KATNIP: variants seen among roughly 807,000 people sequenced by gnomAD.
KATNIP encodes katanin interacting protein.
Under a neutral mutation model 174.0 loss-of-function variants are expected in KATNIP, and 126 were observed. The ratio of observed to expected loss-of-function variants is 0.72; its 90% CI spans 0.63 to 0.84. The LOEUF is 0.84. KATNIP is among the 40% of genes least tolerant of loss of function. KATNIP has a pLI of 0.00. For missense variants in KATNIP, 1,958 were observed against 2,109.7 expected, an observed-to-expected ratio of 0.93 and a Z score of 1.41; for synonymous variants, 810 against 835.7, an observed-to-expected ratio of 0.97 and a Z score of 0.53.
chr16:27,592,757 G>T (rs1489213751), intron 2 of KATNIP, among the ~76,000 whole-genome samples: 1 of 152,126 alleles, frequency 6.6e-6, no homozygotes, highest in East Asian at 1.9e-4. Flanking sequence ...GTTTCACCAT[G>T]TTGGCCAGGC....
chr16:27,778,368 C>T (rs1460404707), intron 27 of KATNIP, among the ~76,000 whole-genome samples: 3 of 152,154 alleles, frequency 2.0e-5, no homozygotes, highest in Non-Finnish European at 4.4e-5. Flanking sequence ...TGCCAGGCAG[C>T]CTGGGCAAAG....
At chr16:27,647,049 G>A (rs1267382554) in intron 5 of KATNIP, among the ~76,000 whole-genome samples, 3 of 142,892 alleles carry the variant, frequency 2.1e-5, no homozygotes, top group South Asian at 2.5e-4. Flanking sequence ...GGGTTCACGC[G>A]GTTCCTCTTA....
In KATNIP at chr16:27,651,783, G is replaced by A. The variant is rs554161564; in HGVS notation, c.540+3048G>A. Among the ~76,000 whole-genome samples the A allele has an allele frequency of 6.8e-4, 103 of 152,234 alleles. 1 individual carries two copies. Among genetic ancestry groups the A allele is most frequent in the African/African-American group, 2.3e-3 (97 of 41,528 alleles). ...CACCCAGGCCAGAGTGCAGTGGTGC[G>A]ATCTCGGCTCACTGCAACCTCTGCC... On this transcript the variant is annotated intron_variant, in intron 6 of 27. Transcript: ENST00000261588.
chr16:27,771,827 T>C (rs573970110), intron 22 of KATNIP, among the ~76,000 whole-genome samples, 175 bp downstream of exon 22: 2 of 152,224 alleles, frequency 1.3e-5, no homozygotes, highest in Non-Finnish European at 2.9e-5. Context: ...TAGGAGCTGC[T>C]GGAACTGGGG....
chr16:27,648,583 A>G, intron 5 of KATNIP, 21 bp from the exon 6 acceptor site: 1 of 1,613,866 alleles, frequency 6.2e-7, no homozygotes, highest in Non-Finnish European at 8.5e-7. Flanking sequence ...CTTATCTGAA[A>G]TGGCCTGCAT....
intron 20 of KATNIP, 118 bp downstream of exon 20, chr16:27,766,592 TG>T: frequency 1.9e-6 from 2 of 1,061,968 alleles, no homozygotes; most frequent in Non-Finnish European, 1.3e-6. Context: ...CAAACGGAGC[TG>T]GGGGCGTTAT....
intron 2 of KATNIP, among the ~76,000 whole-genome samples, chr16:27,609,005 A>G (rs149999907): frequency 6.6e-6 from 1 of 152,172 alleles, no homozygotes; most frequent in East Asian, 1.9e-4. Context: ...TGAACATTTC[A>G]TGTTTCTTCA....
rs1391854412 is a variant in KATNIP at position 27,645,603 on chromosome 16, G to C, written c.409-3001G>C. The stretch of plus-strand genomic sequence containing the variant: ...CTCATTTGTGAACAGTGCATTTGGA[G>C]GCAGGCTGGTGGCATGGGTGGGTGG... On this transcript the variant is annotated intron_variant, in intron 5 of 27. Transcript: ENST00000261588. 2.0e-5 allele frequency among the ~76,000 whole-genome samples: 3 copies of C among 152,190 alleles called. No individual in the cohort carries two copies. The East Asian group carries it at 5.8e-4, about 29-fold the overall frequency.
intron 2 of KATNIP, among the ~76,000 whole-genome samples, chr16:27,605,591 G>T (rs1596889686): frequency 6.6e-6 from 1 of 152,296 alleles, no homozygotes; most frequent in Non-Finnish European, 1.5e-5. Flanking sequence ...CGCTCCCTTT[G>T]ATTATCCATC....
Position 27,698,330 on chromosome 16 carries a change from C to A in KATNIP, c.943C>A (p.Pro315Thr). ...GTCCCCCTGTCTTCTGCCCTCAGGA[C>A]CTGGAAGCCGGCGAGAGAGACCCCT... ...FPDQERMCSR[P>T]GSRRERPLSA... Residue 315 changes from proline (P) to threonine (T), a missense_variant and splice_region_variant, in exon 9 of 28, where the codon CCT (proline) becomes ACT (threonine). Physicochemically the swap from Pro to Thr is conservative, Grantham distance 38. Around this residue, in one of 3 missense-constraint regions of KATNIP, gnomAD observed 1,557 missense variants for 1,617.8 expected, o/e 0.96. Coordinates refer to ENST00000261588, the MANE Select transcript of KATNIP (RefSeq NM_015202.5). 6.2e-7 allele frequency: 1 copy of A among 1,607,770 alleles called. No individual in the cohort carries two copies.
chr16:27,688,437 AC>A (rs2078598354), intron 8 of KATNIP, among the ~76,000 whole-genome samples: 1 of 152,076 alleles, frequency 6.6e-6, no homozygotes, highest in Non-Finnish European at 1.5e-5. Context: ...TACTAAAAAT[AC>A]AAGTTAGCCG....
intron 12 of KATNIP, 145 bp from the exon 13 acceptor site, chr16:27,708,560 G>A: frequency 1.6e-6 from 1 of 611,840 alleles, no homozygotes; most frequent in South Asian, 2.0e-5. Context: ...TAGGTAGTGG[G>A]TGCTATTCTT....
chr16:27,776,993 T>C lies in KATNIP; in HGVS notation c.4515T>C (p.Tyr1505=), dbSNP rs1330468777. The C allele has an allele frequency of 6.2e-7, 1 of 1,613,904 alleles. No individual in the cohort carries two copies. Among genetic ancestry groups the C allele is most frequent in the South Asian group, 1.1e-5 (1 of 91,074 alleles). Residue 1505 remains tyrosine, a synonymous_variant, in exon 25 of 28, where the codon TAT becomes TAC. Coordinates refer to ENST00000261588, the MANE Select transcript of KATNIP (RefSeq NM_015202.5). This position sits in a 1 kb window ranked among gnomAD's most constrained non-coding sequence, Gnocchi z 4.7. ...TGTCAATGATCAAACTGTGGAATTA[T>C]GCGAAAACACCCCATCGAGGGGTGA... ...TTVSMIKLWN[Y]AKTPHRGVKE...
chr16:27,678,033 G>A (rs779418321), intron 7 of KATNIP, 37 bp downstream of exon 7: 5 of 1,601,386 alleles, frequency 3.1e-6, no homozygotes, highest in Middle Eastern at 1.7e-4. Flanking sequence ...TTTGCCATTG[G>A]TGTCTCTGCA....
chr16:27,712,801 C>CATT (rs1030460560), intron 13 of KATNIP, among the ~76,000 whole-genome samples: 12 of 151,854 alleles, frequency 7.9e-5, no homozygotes, highest in Non-Finnish European at 1.8e-4. Flanking sequence ...TCTCAGACTT[C>CATT]ATTATTATTA....
chr16:27,715,676 G>A (rs77160137), intron 13 of KATNIP, among the ~76,000 whole-genome samples: 2,330 of 152,232 alleles, frequency 0.015, 20 homozygotes, highest in Middle Eastern at 0.058. Context: ...TGGCTAATGA[G>A]CACATTAAAG....
chr16:27,734,170 C>T (rs1728915227), intron 14 of KATNIP, among the ~76,000 whole-genome samples: 1 of 151,842 alleles, frequency 6.6e-6, no homozygotes, highest in African/African-American at 2.4e-5. Flanking sequence ...GCCACCTCTG[C>T]CTTCTAGTTT....
intron 14 of KATNIP, 86 bp downstream of exon 14, chr16:27,721,781 C>T (rs2080254213): frequency 3.4e-6 from 5 of 1,476,628 alleles, no homozygotes; most frequent in Non-Finnish European, 4.6e-6. Context: ...CCTAAAGTTG[C>T]AAAATGGATA....
At chr16:27,737,338 A>AGC (rs2080934519) in intron 14 of KATNIP, among the ~76,000 whole-genome samples, 1 of 152,140 alleles carries the variant, frequency 6.6e-6, no homozygotes, top group Non-Finnish European at 1.5e-5. Context: ...ACCCTGATCG[A>AGC]GCCACTGTAA....
Sources: gnomAD v4.1 joint callset for allele counts (sites outside exome capture counted in the v4.1 genomes callset) on GRCh38, gnomAD v4.1.1 for gene constraint, gnomAD v4.1.1 regional missense constraint, Gnocchi (gnomAD v3.1) non-coding constraint, MANE v1.5 for transcripts, NCBI Gene and HGNC (gene_info 2026-07-23, HGNC 2026-07-21) for gene names.